Variants in MAP2K4 observed in about 807,000 individuals in gnomAD.
MAP2K4 encodes mitogen-activated protein kinase kinase 4.
A neutral mutation model predicts 48.5 loss-of-function variants in MAP2K4; 4 were observed. The observed-to-expected ratio is 0.08, with a 90% CI of 0.04 to 0.19. The LOEUF is 0.19. Ranked by LOEUF, MAP2K4 falls within the 10% of genes least tolerant of loss-of-function variation. The pLI, the probability that MAP2K4 is intolerant of heterozygous loss-of-function variation, is 1.00. For missense variants in MAP2K4, 258 were observed against 493.3 expected (o/e 0.52, Z 4.52); for synonymous variants, 166 against 173.1 (o/e 0.96, Z 0.32).
At chr17:12,058,617 C>T (rs1970356785) in intron 2 of MAP2K4, among the ~76,000 whole-genome samples, 2 of 152,154 alleles carry the variant, frequency 1.3e-5, no homozygotes, top group African/African-American at 4.8e-5. Flanking sequence ...TGTCAATCAG[C>T]TTTAACAGCT....
intron 1 of MAP2K4, among the ~76,000 whole-genome samples, chr17:12,029,018 T>C (rs1472564006): frequency 6.6e-6 from 1 of 152,226 alleles, no homozygotes; most frequent in African/African-American, 2.4e-5. Flanking sequence ...ACACACTTCA[T>C]TTTGTTTTTT....
intron 2 of MAP2K4, among the ~76,000 whole-genome samples, chr17:12,077,481 C>T (rs958351216): frequency 6.6e-6 from 1 of 152,092 alleles, no homozygotes; most frequent in African/African-American, 2.4e-5. Context: ...TAGAAAAGTC[C>T]GGAGATAAGC....
At chr17:12,123,173 T>A (rs1661749902) in intron 7 of MAP2K4, among the ~76,000 whole-genome samples, 1 of 152,032 alleles carries the variant, frequency 6.6e-6, no homozygotes, top group African/African-American at 2.4e-5. Context: ...GAAAAAAAAA[T>A]TTGTGTAAGG....
chr17:12,111,121 A>G (rs1972290405), intron 6 of MAP2K4, among the ~76,000 whole-genome samples: 1 of 152,178 alleles, frequency 6.6e-6, no homozygotes, highest in Non-Finnish European at 1.5e-5. Context: ...ACCCCTCAGC[A>G]AATTTGTAAC....
chr17:12,138,783 AG>A (rs1486595941), intron 9 of MAP2K4, among the ~76,000 whole-genome samples: 1 of 152,196 alleles, frequency 6.6e-6, no homozygotes, highest in Non-Finnish European at 1.5e-5. Flanking sequence ...ATTGGGCAGA[AG>A]AAGTTCAGTT....
At chr17:12,121,713 T>C (rs1006088149) in intron 7 of MAP2K4, among the ~76,000 whole-genome samples, 33 of 152,246 alleles carry the variant, frequency 2.2e-4, no homozygotes, top group African/African-American at 8.0e-4. Context: ...CGCATTCTTA[T>C]AATATCTGAT....
intron 2 of MAP2K4, among the ~76,000 whole-genome samples, chr17:12,059,902 G>A (rs1307134390): frequency 6.6e-6 from 1 of 152,202 alleles, no homozygotes; most frequent in African/African-American, 2.4e-5. Flanking sequence ...ACGAGGCCGG[G>A]CACAGTTGCT....
chr17:12,088,132 G>C (rs1183846748), intron 3 of MAP2K4, among the ~76,000 whole-genome samples: 1 of 151,978 alleles, frequency 6.6e-6, no homozygotes, highest in Admixed American at 6.6e-5. Flanking sequence ...ATTTTTGCTG[G>C]GAAAGCAGCA....
At chr17:12,126,716 A>G (rs894265848) in intron 8 of MAP2K4, among the ~76,000 whole-genome samples, 6 of 152,260 alleles carry the variant, frequency 3.9e-5, no homozygotes. Context: ...GGGGACACAC[A>G]AACATTCAGT....
intron 3 of MAP2K4, among the ~76,000 whole-genome samples, chr17:12,093,183 A>T (rs1005089657): frequency 6.6e-6 from 1 of 152,214 alleles, no homozygotes; most frequent in South Asian, 2.1e-4. Flanking sequence ...ATGTTAGACT[A>T]GTAGGCCATT....
In MAP2K4 at chr17:12,134,208, C is replaced by G. The variant is rs28921093; in HGVS notation, c.1040+4921C>G. Among the ~76,000 whole-genome samples, 950 of 152,316 alleles carry G rather than the reference C, an allele frequency of 6.2e-3. 2 individuals are homozygous for G. The highest frequency in any genetic ancestry group is 0.036 in the East Asian group (188 of 5,180). On this transcript the variant is annotated intron_variant, in intron 9 of 10. Transcript: ENST00000353533. Reference sequence around the variant, plus strand: ...ATGATGGCTCTCCACCTGTTTCTCACAGTTAACCTGAATCCATAGCTGAGA... The same window carrying G: ...ATGATGGCTCTCCACCTGTTTCTCAGAGTTAACCTGAATCCATAGCTGAGA...
intron 1 of MAP2K4, among the ~76,000 whole-genome samples, chr17:12,021,955 TTAAATTTACTGGGGA>T (rs1466069860): frequency 1.3e-5 from 2 of 152,204 alleles, no homozygotes; most frequent in African/African-American, 2.4e-5. Flanking sequence ...GACCATTTCC[TTAAATTTACTGGGGA>T]ATTTTGAGTA....
At chr17:12,115,311 A>G (rs181298568) in intron 7 of MAP2K4, among the ~76,000 whole-genome samples, 5 of 152,272 alleles carry the variant, frequency 3.3e-5, no homozygotes, top group East Asian at 3.9e-4. Context: ...TTGTTAGGCA[A>G]TTTTGTTGTG....
rs915424459 is a variant in MAP2K4 at position 12,081,142 on chromosome 17, G to A, written c.219-214G>A. Among the ~76,000 whole-genome samples the A allele has an allele frequency of 2.0e-5, 3 of 152,098 alleles. No individual in the cohort carries two copies. Among genetic ancestry groups the A allele is most frequent in the Non-Finnish European group, 4.4e-5 (3 of 68,010 alleles). On this transcript the variant is annotated intron_variant, in intron 2 of 10. Coordinates refer to ENST00000353533, the MANE Select transcript of MAP2K4 (RefSeq NM_003010.4). The surrounding 1 kb of genome is among the most constrained non-coding windows in gnomAD (Gnocchi z 4.2). ...TTGGCAATTTGTTTTTATGAATCCC[G>A]TTGAAGCTGTGTCTATTGACTACCT...
intron 1 of MAP2K4, among the ~76,000 whole-genome samples, chr17:12,032,967 C>T (rs1419318614): frequency 6.6e-6 from 1 of 152,142 alleles, no homozygotes; most frequent in Admixed American, 6.5e-5. Flanking sequence ...TCCTGAGTAA[C>T]TGGGACTGCA....
intron 9 of MAP2K4, among the ~76,000 whole-genome samples, chr17:12,137,049 G>A (rs549563571): frequency 2.0e-5 from 3 of 152,156 alleles, no homozygotes; most frequent in Non-Finnish European, 4.4e-5. Flanking sequence ...ACCAACATAG[G>A]AGTGGAACTT....
intron 4 of MAP2K4, among the ~76,000 whole-genome samples, chr17:12,100,475 A>G (rs931340483): frequency 1.2e-4 from 18 of 152,048 alleles, no homozygotes; most frequent in African/African-American, 3.9e-4. Flanking sequence ...GTTGATGGCC[A>G]TTTGGATTGT....
At chr17:12,028,415 GAAAT>G (rs1226792419) in intron 1 of MAP2K4, among the ~76,000 whole-genome samples, 1 of 152,136 alleles carries the variant, frequency 6.6e-6, no homozygotes, top group East Asian at 1.9e-4. Flanking sequence ...AAATCTGAAA[GAAAT>G]AAACCATCAG....
intron 4 of MAP2K4, among the ~76,000 whole-genome samples, chr17:12,106,993 A>T (rs1315996741): frequency 6.6e-6 from 1 of 151,956 alleles, no homozygotes; most frequent in African/African-American, 2.4e-5. Flanking sequence ...CAGTCATAGG[A>T]TGATTCTATA....
Sources: gnomAD v4.1 joint callset for allele counts (sites outside exome capture counted in the v4.1 genomes callset) on GRCh38, gnomAD v4.1.1 for gene constraint, Gnocchi (gnomAD v3.1) non-coding constraint, MANE v1.5 for transcripts, NCBI Gene and HGNC (gene_info 2026-07-23, HGNC 2026-07-21) for gene names.